The following BICC1 variants were observed in gnomAD, a reference collection of about 807,000 sequenced individuals.
BICC1 encodes the protein protein bicaudal C homolog 1.
Under a neutral mutation model 111.0 loss-of-function variants are expected in BICC1, and 43 were observed. The ratio of observed to expected loss-of-function variants is 0.39; its 90% CI spans 0.30 to 0.50. The LOEUF (loss-of-function observed/expected upper bound fraction) is 0.50. BICC1 is among the 20% of genes least tolerant of loss of function. The pLI, the probability that BICC1 is intolerant of heterozygous loss-of-function variation, is 0.88. For missense variants in BICC1, 1,091 were observed against 1,203.2 expected, an observed-to-expected ratio of 0.91 and a Z score of 1.38; for synonymous variants, 467 against 434.4, an observed-to-expected ratio of 1.07 and a Z score of -0.93.
intron 1 of BICC1, among the ~76,000 whole-genome samples, chr10:58,517,947 T>G (rs187421368): frequency 6.6e-6 from 1 of 151,892 alleles, no homozygotes; most frequent in Non-Finnish European, 1.5e-5. Context: ...TTTAGTTTGG[T>G]CTTAAATTAT....
intron 1 of BICC1, among the ~76,000 whole-genome samples, chr10:58,590,650 T>TA (rs962481773): frequency 2.6e-5 from 4 of 151,792 alleles, no homozygotes; most frequent in Admixed American, 6.6e-5. Flanking sequence ...CTACCAGACT[T>TA]AAAAAAAAAT....
intron 2 of BICC1, among the ~76,000 whole-genome samples, chr10:58,691,926 T>C (rs1266658401): frequency 6.6e-6 from 1 of 152,212 alleles, no homozygotes; most frequent in Non-Finnish European, 1.5e-5. Flanking sequence ...TGGTAAGCAG[T>C]CCACGTGACA....
At chr10:58,715,535 G>A in intron 3 of BICC1, 1 of 1,421,774 alleles carries the variant, frequency 7.0e-7, no homozygotes, top group Non-Finnish European at 9.9e-7. Context: ...GCGTGCCACT[G>A]TGTGCTCAGT....
chr10:58,519,581 T>C (rs1842336942), intron 1 of BICC1, among the ~76,000 whole-genome samples: 1 of 152,212 alleles, frequency 6.6e-6, no homozygotes. Flanking sequence ...AGTAACATTA[T>C]ATATCAGTAG....
rs189539171 is a variant in BICC1, at chr10:58,789,668, C to A, written c.796-14C>A. 6.4e-4 allele frequency: 1,040 copies of A among 1,613,786 alleles called. 3 individuals are homozygous for A. The African/African-American group carries it at 0.011, about 16-fold the overall frequency. On this transcript the variant is annotated splice_polypyrimidine_tract_variant and intron_variant, in intron 7 of 20. Transcript: ENST00000373886. ...AATGTATAGGATTATTTCTTTCCCACCCTTTTCTCTTAGGAAGGAACTGCC... is the reference window on the plus strand; with the variant it reads ...AATGTATAGGATTATTTCTTTCCCAACCTTTTCTCTTAGGAAGGAACTGCC...
At chr10:58,699,545 T>C (rs1480747583) in intron 2 of BICC1, among the ~76,000 whole-genome samples, 1 of 152,258 alleles carries the variant, frequency 6.6e-6, no homozygotes, top group Non-Finnish European at 1.5e-5. Flanking sequence ...GGCAAACTTA[T>C]CTATTACAGT....
intron 8 of BICC1, 29 bp from the exon 9 acceptor site, chr10:58,793,455 C>A (rs919133198): frequency 2.5e-6 from 4 of 1,595,020 alleles, no homozygotes; most frequent in Non-Finnish European, 3.4e-6. Context: ...ATTTTTACCT[C>A]CTACACATTC....
At chr10:58,634,639 G>A (rs907503233) in intron 2 of BICC1, among the ~76,000 whole-genome samples, 1 of 152,066 alleles carries the variant, frequency 6.6e-6, no homozygotes, top group South Asian at 2.1e-4. Flanking sequence ...AAAAGGAAAG[G>A]AATTACATTT....
At position 58,610,116 on chromosome 10, in the gene BICC1, G is replaced by GTTTAT. The variant is rs1326132095; in HGVS notation, c.191-10737_191-10736insTATTT. 3.3e-5 allele frequency among the ~76,000 whole-genome samples: 5 copies of GTTTAT among 152,324 alleles called. No individual in the cohort carries two copies. In the South Asian group the frequency reaches 6.2e-4, roughly 19 times the overall value. On this transcript the variant is annotated intron_variant, in intron 1 of 20. Transcript: ENST00000373886. ...AAGTTCGAATAAACCCTTAGCAAGAGTTACTGAAAGAGTTCAAGTTAAAAG... is the reference window on the plus strand; with the variant it reads ...AAGTTCGAATAAACCCTTAGCAAGAGTTTATTTACTGAAAGAGTTCAAGTTAAAAG...
At position 58,566,807 on chromosome 10, in the gene BICC1, G is replaced by T. The variant is rs117583812; in HGVS notation, c.190+53474G>T. Among the ~76,000 whole-genome samples, 681 of 152,094 alleles carry T rather than the reference G, an allele frequency of 4.5e-3. 2 individuals carry two copies. The highest frequency in any genetic ancestry group is 7.1e-3 in the Non-Finnish European group (484 of 68,012). ...GTACCCCTTATCTTCTGATGTGTTT[G>T]TGAGAAAGGCCCTTACTTGGAATGT... On this transcript the variant is annotated intron_variant, in intron 1 of 20. Transcript: ENST00000373886.
chr10:58,794,716 G>C (rs780931249), intron 9 of BICC1, among the ~76,000 whole-genome samples: 1 of 152,136 alleles, frequency 6.6e-6, no homozygotes, highest in African/African-American at 2.4e-5. Flanking sequence ...CACTGTCTCC[G>C]GCTCAGAATA....
At chr10:58,764,044 G>C (rs1306680920) in intron 3 of BICC1, among the ~76,000 whole-genome samples, 1 of 152,126 alleles carries the variant, frequency 6.6e-6, no homozygotes, top group Non-Finnish European at 1.5e-5. Flanking sequence ...GAAGGTACAG[G>C]TACAGGTACA....
chr10:58,553,280 G>A (rs1843348092), intron 1 of BICC1, among the ~76,000 whole-genome samples: 1 of 152,172 alleles, frequency 6.6e-6, no homozygotes, highest in Non-Finnish European at 1.5e-5. Flanking sequence ...GGTTATCCAG[G>A]TGGGCCTAAT....
In BICC1 at chr10:58,788,438, C is replaced by A. The variant is rs547096611; in HGVS notation, c.600+15C>A. The A allele has an allele frequency of 2.5e-6, 4 of 1,581,128 alleles. No homozygotes were observed. In the South Asian group the frequency reaches 4.5e-5, roughly 18 times the overall value. On this transcript the variant is annotated intron_variant, in intron 6 of 20. Transcript: ENST00000373886. ...TTAGAATTCGGGTAACTATTTATTA[C>A]TTTAACATTGTAAATTGATGTCAGC...
intron 3 of BICC1, among the ~76,000 whole-genome samples, chr10:58,729,695 A>G (rs111720137): frequency 4.3e-4 from 65 of 152,210 alleles, no homozygotes; most frequent in African/African-American, 1.4e-3. Flanking sequence ...GCCAAGTGGT[A>G]GCAGCCATCT....
At chr10:58,553,009 A>G (rs1843339204) in intron 1 of BICC1, among the ~76,000 whole-genome samples, 1 of 151,980 alleles carries the variant, frequency 6.6e-6, no homozygotes, top group African/African-American at 2.4e-5. Flanking sequence ...GTGTTTATAT[A>G]TTTTTTCCTA....
chr10:58,831,366 A>C lies in BICC1; in HGVS notation c.*2475A>C, dbSNP rs907138801. On this transcript the variant is annotated 3_prime_UTR_variant, in exon 21 of 21. Transcript: ENST00000373886. ...GATGGAATTAACATTGAAAATGGGA[A>C]ATTTTTCTAACTGAATCAATTGTTA... 6.6e-6 allele frequency: 1 copy of C among 152,254 alleles called. No individual in the cohort carries two copies. The highest frequency in any genetic ancestry group is 2.4e-5 in the African/African-American group (1 of 41,554). 9.4% of individuals were successfully genotyped at this position (152,254 alleles called of 1,614,324 possible).
At chr10:58,790,417 T>A (rs1843141691) in intron 8 of BICC1, among the ~76,000 whole-genome samples, 1 of 152,232 alleles carries the variant, frequency 6.6e-6, no homozygotes, top group Non-Finnish European at 1.5e-5. Flanking sequence ...ACTATTTAAG[T>A]CACAAATTCG....
chr10:58,715,790 ATTG>A, intron 3 of BICC1: 1 of 1,406,510 alleles, frequency 7.1e-7, no homozygotes, highest in South Asian at 1.2e-5. Context: ...ACAGGGAGAA[ATTG>A]TTAACTGCAA....
Sources: allele counts gnomAD v4.1 joint callset (sites outside exome capture counted in the v4.1 genomes callset), GRCh38; gene constraint gnomAD v4.1.1; transcripts MANE v1.5; gene names NCBI Gene and HGNC (gene_info 2026-07-23, HGNC 2026-07-21).